Variants in UNC80 observed in about 807,000 individuals in gnomAD.
The protein encoded by UNC80 is protein unc-80 homolog.
Under a neutral mutation model 384.6 loss-of-function variants are expected in UNC80, and 164 were observed. The ratio of observed to expected loss-of-function variants is 0.43; its 90% CI spans 0.38 to 0.49. The LOEUF (loss-of-function observed/expected upper bound fraction) is 0.49, where lower values mean the gene tolerates loss of function less well. Ranked by LOEUF, UNC80 falls within the 20% of genes least tolerant of loss-of-function variation. UNC80 has a pLI of 0.00. For missense variants in UNC80, 3,330 were observed against 4,143.0 expected (o/e 0.80, Z 5.39); for synonymous variants, 1,486 against 1,527.8 (o/e 0.97, Z 0.64).
chr2:209,881,009 C>G lies in UNC80; in HGVS notation c.4025C>G (p.Ala1342Gly). 1 of 1,551,952 alleles carries G rather than the reference C, an allele frequency of 6.4e-7. No individual in the cohort carries two copies. Among genetic ancestry groups the G allele is most frequent in the African/African-American group, 1.4e-5 (1 of 73,132 alleles). The change falls in exon 25 of 65, where the codon GCA becomes GGA. Residue 1342 changes from alanine (A) to glycine (G), a missense_variant. Around this residue, in one of 8 missense-constraint regions of UNC80, gnomAD observed 801 missense variants for 950.8 expected, o/e 0.84. Coordinates refer to ENST00000673920, the MANE Select transcript of UNC80 (RefSeq NM_001371986.1). ...GGTTGCCCCTTTGCCTTGAAGATGG[C>G]AGCATGTCAGCTTCTTCTGGAGATT... ...KCGCPFALKM[A>G]ACQLLLEITT...
At position 209,831,561 on chromosome 2, in the gene UNC80, C is replaced by T; in HGVS notation, c.2745C>T (p.Thr915=). Residue 915 remains threonine (T), a synonymous_variant, in exon 16 of 65, where the codon ACC becomes ACT. Transcript: ENST00000673920. Reference sequence around the variant, plus strand: ...CCCTCATCACACGCTGCGCTTCAACCACACATGAATTGCACAGCCCTGAGA... The same window carrying T: ...CCCTCATCACACGCTGCGCTTCAACTACACATGAATTGCACAGCCCTGAGA... ...FKSLITRCAS[T]THELHSPENL... The T allele has an allele frequency of 6.5e-7, 1 of 1,549,646 alleles. No homozygotes were observed. Among genetic ancestry groups the T allele is most frequent in the Non-Finnish European group, 8.7e-7 (1 of 1,146,048 alleles).
chr2:209,832,937 A>G (rs895040153), intron 16 of UNC80, among the ~76,000 whole-genome samples: 1 of 152,190 alleles, frequency 6.6e-6, no homozygotes, highest in Non-Finnish European at 1.5e-5. Context: ...GAGGTTCCAC[A>G]GGTCTCAATG....
chr2:209,831,722 C>A (rs1185454325), intron 16 of UNC80, 131 bp downstream of exon 16: 14 of 1,066,778 alleles, frequency 1.3e-5, no homozygotes, highest in Non-Finnish European at 1.8e-5. Flanking sequence ...TATCTATTTT[C>A]CCCGGTGTCA....
At chr2:209,855,249 AACACATGG>A (rs1344473699) in intron 22 of UNC80, among the ~76,000 whole-genome samples, 3 of 152,140 alleles carry the variant, frequency 2.0e-5, no homozygotes, top group African/African-American at 7.2e-5. Context: ...GAACAATGAG[AACACATGG>A]ACACATGGAC....
At chr2:209,904,359 G>T (rs577896789) in intron 28 of UNC80, among the ~76,000 whole-genome samples, 1 of 152,300 alleles carries the variant, frequency 6.6e-6, no homozygotes, top group South Asian at 2.1e-4. Flanking sequence ...AGCTGTCAAA[G>T]GTCAGCCAGA....
In UNC80 at chr2:209,872,916, G is replaced by A; in HGVS notation, c.3786G>A (p.Lys1262=). ...GACGCTCTCCCATTGTGGGCAACAA[G>A]CGAAACCAGAAGCTGCAGTGGAATG... ...SRGRSPIVGN[K]RNQKLQWNAA... is the part of the protein sequence containing the mutation. The change falls in exon 23 of 65, where the codon AAG becomes AAA. Residue 1262 remains lysine, a synonymous_variant. Transcript: ENST00000673920. The surrounding 1 kb of genome is among the most constrained non-coding windows in gnomAD (Gnocchi z 4.1). The A allele has an allele frequency of 6.4e-7, 1 of 1,551,632 alleles. No individual in the cohort carries two copies. Among genetic ancestry groups the A allele is most frequent in the Non-Finnish European group, 8.7e-7 (1 of 1,146,960 alleles).
At chr2:209,855,693 ATTATT>A (rs1030036363) in intron 22 of UNC80, among the ~76,000 whole-genome samples, 1 of 151,374 alleles carries the variant, frequency 6.6e-6, no homozygotes, top group African/African-American at 2.4e-5. Context: ...TAGAGAATAT[ATTATT>A]TTATTTTGTT....
chr2:209,838,849 T>A (rs1413508492), intron 18 of UNC80, among the ~76,000 whole-genome samples: 1 of 152,140 alleles, frequency 6.6e-6, no homozygotes, highest in African/African-American at 2.4e-5. Flanking sequence ...TAGTCCCAGC[T>A]ACTCCGGAGG....
intron 31 of UNC80, among the ~76,000 whole-genome samples, chr2:209,916,973 A>T (rs922119992): frequency 3.9e-5 from 6 of 152,238 alleles, no homozygotes; most frequent in Admixed American, 3.3e-4. Context: ...CAGTAAAGAA[A>T]ATCGCAAGCT....
chr2:209,786,294 T>C, intron 5 of UNC80, 105 bp downstream of exon 5: 2 of 1,377,902 alleles, frequency 1.5e-6, no homozygotes, highest in Non-Finnish European at 1.9e-6. Context: ...AAGAAGCAAA[T>C]ATCTACATGT....
At chr2:209,881,155 G>A (rs899242289) in intron 25 of UNC80, 61 bp downstream of exon 25, 3 of 1,496,960 alleles carry the variant, frequency 2.0e-6, no homozygotes, top group Non-Finnish European at 2.7e-6. Flanking sequence ...GTGTGTCTGG[G>A]TTTCCAAGAT....
At chr2:209,934,077 G>T (rs1207582750) in intron 39 of UNC80, 72 bp downstream of exon 39, 1 of 1,364,832 alleles carries the variant, frequency 7.3e-7, no homozygotes. Flanking sequence ...AAGACTAAGA[G>T]TCTCTTTCAT....
chr2:209,996,898 G>T lies in UNC80; in HGVS notation c.*1303G>T, dbSNP rs954246671. 6.6e-6 allele frequency: 1 copy of T among 151,924 alleles called. No individual in the cohort carries two copies. The highest frequency in any genetic ancestry group is 1.9e-4 in the East Asian group (1 of 5,174). 9.4% of individuals were successfully genotyped at this position (151,924 alleles called of 1,614,324 possible). On this transcript the variant is annotated 3_prime_UTR_variant, in exon 65 of 65. Transcript: ENST00000673920. Reference sequence around the variant, plus strand: ...GGTACGGTGGTGTATGTGTGCGTGCGTGTGTGTGTGTATGTGTTGTAGTCC... The same window carrying T: ...GGTACGGTGGTGTATGTGTGCGTGCTTGTGTGTGTGTATGTGTTGTAGTCC...
chr2:209,867,853 C>T (rs1263836269), intron 22 of UNC80, among the ~76,000 whole-genome samples: 1 of 152,176 alleles, frequency 6.6e-6, no homozygotes, highest in African/African-American at 2.4e-5. Flanking sequence ...TAAAAATAGA[C>T]ATTTTTGGAT....
At chr2:209,923,801 T>C (rs1305116818) in intron 35 of UNC80, among the ~76,000 whole-genome samples, 1 of 152,170 alleles carries the variant, frequency 6.6e-6, no homozygotes, top group Non-Finnish European at 1.5e-5. Flanking sequence ...CTTATTTGTG[T>C]CCTTGAAACT....
intron 16 of UNC80, 69 bp from the exon 17 acceptor site, chr2:209,833,933 C>T: frequency 6.7e-7 from 1 of 1,483,376 alleles, no homozygotes; most frequent in Non-Finnish European, 9.1e-7. Flanking sequence ...TTCTTCCTCT[C>T]TACCTGGAAA....
rs190766043 is a variant in UNC80 at position 209,940,683 on chromosome 2, G to A, written c.6647-538G>A. On this transcript the variant is annotated intron_variant, in intron 43 of 64. Transcript: ENST00000673920. The stretch of plus-strand genomic sequence containing the variant: ...ACAAAAAAAATTAGCTGGGCATGGT[G>A]GCGGGTGCCTGTAATCCCAGCTACT... Among the ~76,000 whole-genome samples the A allele has an allele frequency of 1.2e-4, 18 of 152,240 alleles. 1 individual carries two copies. The East Asian group carries it at 3.5e-3, about 29-fold the overall frequency.
chr2:209,907,183 A>G (rs746350235), intron 29 of UNC80, among the ~76,000 whole-genome samples: 14 of 151,250 alleles, frequency 9.3e-5, no homozygotes, highest in Non-Finnish European at 2.1e-4. Flanking sequence ...TCTTCTTTCA[A>G]TTATCCATCC....
In UNC80 at chr2:209,995,792, AT is replaced by A; in HGVS notation, c.*200del. 1 of 605,032 alleles carries A rather than the reference AT, an allele frequency of 1.7e-6. No homozygotes were observed. The highest frequency in any genetic ancestry group is 2.8e-6 in the Non-Finnish European group (1 of 362,940). The allele number at this position is 605,032 out of a possible 1,614,324, so 37.5% of individuals were successfully genotyped here. A position where few individuals can be genotyped will look rare whatever the true frequency, so the allele number is the denominator to read the frequency against. On this transcript the variant is annotated 3_prime_UTR_variant, in exon 65 of 65. Coordinates refer to ENST00000673920, the MANE Select transcript of UNC80 (RefSeq NM_001371986.1). ...ATCTTAAAAGTCAATGGCTAAAAGG[AT>A]TTAGTTGTGTGAAAATCACAAAACC...
Sources: allele counts gnomAD v4.1 joint callset (sites outside exome capture counted in the v4.1 genomes callset), GRCh38; gene constraint gnomAD v4.1.1; regional missense constraint gnomAD v4.1.1; non-coding constraint Gnocchi (gnomAD v3.1); transcripts MANE v1.5; gene names NCBI Gene and HGNC (gene_info 2026-07-23, HGNC 2026-07-21).